TBC1D22A: variants seen among roughly 807,000 people sequenced by gnomAD.
The protein encoded by TBC1D22A is putative GTPase activator.
Under a neutral mutation model 60.2 loss-of-function variants are expected in TBC1D22A, and 38 were observed. The observed-to-expected ratio is 0.63, with a 90% CI of 0.49 to 0.83. The LOEUF (loss-of-function observed/expected upper bound fraction) is 0.83, where lower values mean the gene tolerates loss of function less well. Ranked by LOEUF, TBC1D22A falls within the 40% of genes least tolerant of loss-of-function variation. TBC1D22A has a pLI of 0.00. For missense variants in TBC1D22A, 628 were observed against 701.0 expected (o/e 0.90, Z 1.18); for synonymous variants, 302 against 281.7 (o/e 1.07, Z -0.72).
intron 1 of TBC1D22A, among the ~76,000 whole-genome samples, chr22:46,776,997 C>T (rs1225617288): frequency 2.6e-5 from 4 of 152,068 alleles, no homozygotes; most frequent in African/African-American, 9.7e-5. Context: ...GTGCAACTGT[C>T]ATGTTCTTCT....
chr22:46,941,699 A>G (rs1332222650), intron 8 of TBC1D22A, among the ~76,000 whole-genome samples: 2,493 of 62,206 alleles, frequency 0.04, 290 homozygotes, highest in African/African-American at 0.15. Flanking sequence ...TACGCGGATT[A>G]TATATGCGGA....
chr22:46,824,074 A>G (rs2085943488), intron 4 of TBC1D22A, among the ~76,000 whole-genome samples: 1 of 152,242 alleles, frequency 6.6e-6, no homozygotes, highest in African/African-American at 2.4e-5. Flanking sequence ...TATATAAACT[A>G]TATCACCATA....
chr22:46,981,731 G>A (rs2074519876), intron 9 of TBC1D22A, among the ~76,000 whole-genome samples: 2 of 152,186 alleles, frequency 1.3e-5, no homozygotes, highest in Non-Finnish European at 2.9e-5. Flanking sequence ...CTGTGAGTCA[G>A]TTAAACCTCT....
intron 9 of TBC1D22A, among the ~76,000 whole-genome samples, chr22:46,989,057 G>T (rs1035966734): frequency 6.6e-6 from 1 of 152,160 alleles, no homozygotes; most frequent in Admixed American, 6.5e-5. Context: ...CTATGGAGAC[G>T]GCTTCTTTCC....
At position 46,982,363 on chromosome 22, in the gene TBC1D22A, A is replaced by G. The variant is rs1016689195; in HGVS notation, c.1125+7964A>G. On this transcript the variant is annotated intron_variant, in intron 9 of 12. Coordinates refer to ENST00000337137, the MANE Select transcript of TBC1D22A (RefSeq NM_014346.5). ...CTCAGCTTCCCGAGTAGCTGGGACTACAGGCACCCGCCTCCACGCCCGGCT... is the reference window on the plus strand; with the variant it reads ...CTCAGCTTCCCGAGTAGCTGGGACTGCAGGCACCCGCCTCCACGCCCGGCT... Among the ~76,000 whole-genome samples, 8 of 151,898 alleles carry G rather than the reference A, an allele frequency of 5.3e-5. 1 individual carries two copies. Among genetic ancestry groups the G allele is most frequent in the African/African-American group, 1.9e-4 (8 of 41,332 alleles).
intron 8 of TBC1D22A, among the ~76,000 whole-genome samples, chr22:46,967,886 A>C (rs573020734): frequency 1.3e-5 from 2 of 152,116 alleles, no homozygotes; most frequent in African/African-American, 4.8e-5. Flanking sequence ...TGGTAATTAC[A>C]AGCTACGATT....
intron 12 of TBC1D22A, among the ~76,000 whole-genome samples, chr22:47,171,903 G>T (rs893939224): frequency 6.6e-6 from 1 of 150,884 alleles, no homozygotes; most frequent in African/African-American, 2.4e-5. Flanking sequence ...GGGACTCAGT[G>T]CCCCCATAGC....
chr22:46,935,857 C>T lies in TBC1D22A; in HGVS notation c.1015+23669C>T, dbSNP rs531466085. ...TGGCCCCTCCTCTGAACTCTGACCC[C>T]GTGTCTCTGTAGCCTTTGCTGTCGC... On this transcript the variant is annotated intron_variant, in intron 8 of 12. Coordinates refer to ENST00000337137, the MANE Select transcript of TBC1D22A (RefSeq NM_014346.5). Among the ~76,000 whole-genome samples, 5 of 151,890 alleles carry T rather than the reference C, an allele frequency of 3.3e-5. No individual in the cohort carries two copies. In the South Asian group the frequency reaches 8.4e-4, roughly 25 times the overall value.
In TBC1D22A at chr22:46,974,345, C is replaced by T. The variant is rs1378817673; in HGVS notation, c.1071C>T (p.Cys357=). ...CCGGCGTGCCCGCAGAGGTGCTGTG[C>T]AACATCGAGGCCGACACCTACTGGT... ...DVSGVPAEVL[C]NIEADTYWCM... is the part of the protein sequence containing the mutation. The change falls in exon 9 of 13, where the codon TGC becomes TGT. Residue 357 remains cysteine, a synonymous_variant. Coordinates refer to ENST00000337137, the MANE Select transcript of TBC1D22A (RefSeq NM_014346.5). 2 of 1,611,086 alleles carry T rather than the reference C, an allele frequency of 1.2e-6. No homozygotes were observed. The highest frequency in any genetic ancestry group is 1.1e-5 in the South Asian group (1 of 90,294).
chr22:46,865,512 G>A (rs2067007624), intron 4 of TBC1D22A, among the ~76,000 whole-genome samples: 1 of 152,156 alleles, frequency 6.6e-6, no homozygotes, highest in African/African-American at 2.4e-5. Context: ...TGACACCACA[G>A]GTAGAAAATT....
intron 11 of TBC1D22A, among the ~76,000 whole-genome samples, chr22:47,063,726 C>T (rs979452393): frequency 1.3e-5 from 2 of 152,132 alleles, no homozygotes; most frequent in South Asian, 2.1e-4. Context: ...GGGGTGTGGG[C>T]AGGGCTGGTT....
chr22:47,144,333 G>T (rs6007608), intron 12 of TBC1D22A, among the ~76,000 whole-genome samples: 6,509 of 152,202 alleles, frequency 0.043, 429 homozygotes, highest in African/African-American at 0.14. Flanking sequence ...GCGTCCAACC[G>T]GAAAGGTCCT....
intron 8 of TBC1D22A, among the ~76,000 whole-genome samples, chr22:46,956,805 C>T (rs565947225): frequency 6.6e-6 from 1 of 152,366 alleles, no homozygotes; most frequent in Non-Finnish European, 1.5e-5. Flanking sequence ...GGCACTTCCT[C>T]TGTCTTTCAG....
chr22:47,097,236 G>A (rs2065222397), intron 11 of TBC1D22A, among the ~76,000 whole-genome samples: 2 of 152,076 alleles, frequency 1.3e-5, no homozygotes, highest in Admixed American at 1.3e-4. Flanking sequence ...TGCTAGTTTT[G>A]GCCCTTTGCT....
chr22:46,779,998 G>C (rs1457145576), intron 1 of TBC1D22A, among the ~76,000 whole-genome samples: 1 of 152,240 alleles, frequency 6.6e-6, no homozygotes, highest in African/African-American at 2.4e-5. Context: ...TGGTGGAATT[G>C]TTCACTGTTG....
At position 46,948,279 on chromosome 22, in the gene TBC1D22A, T is replaced by C. The variant is rs987580169; in HGVS notation, c.1016-26011T>C. 2.6e-5 allele frequency among the ~76,000 whole-genome samples: 4 copies of C among 152,222 alleles called. No individual in the cohort carries two copies. In the East Asian group the frequency reaches 7.7e-4, roughly 29 times the overall value. On this transcript the variant is annotated intron_variant, in intron 8 of 12. Coordinates refer to ENST00000337137, the MANE Select transcript of TBC1D22A (RefSeq NM_014346.5). ...TGACAAGTAAGATGGCATGCAGACC[T>C]TTTTCCCCTTTGTTCTACGCCAGAG...
intron 3 of TBC1D22A, 100 bp from the exon 4 acceptor site, chr22:46,797,344 G>T: frequency 4.5e-6 from 6 of 1,322,466 alleles, no homozygotes; most frequent in Non-Finnish European, 6.4e-6. Context: ...TGGGAAGAAG[G>T]GACCCATCAG....
At chr22:46,772,128 CATAT>C (rs1569008207) in intron 1 of TBC1D22A, among the ~76,000 whole-genome samples, 3 of 64,936 alleles carry the variant, frequency 4.6e-5, no homozygotes, top group Non-Finnish European at 8.7e-5. Flanking sequence ...CACACATATA[CATAT>C]ATATGTATAC....
intron 11 of TBC1D22A, among the ~76,000 whole-genome samples, chr22:47,091,399 G>T (rs528842309): frequency 2.9e-3 from 416 of 144,498 alleles, no homozygotes; most frequent in African/African-American, 9.7e-3. Flanking sequence ...GGCACGAGAA[G>T]TCGTCTTTGG....
Sources: gnomAD v4.1 joint callset for allele counts (sites outside exome capture counted in the v4.1 genomes callset) on GRCh38, gnomAD v4.1.1 for gene constraint, MANE v1.5 for transcripts, NCBI Gene and HGNC (gene_info 2026-07-23, HGNC 2026-07-21) for gene names.